PEX1: variants seen among roughly 807,000 people sequenced by gnomAD.
PEX1 encodes the protein peroxisomal biogenesis factor 1.
In PEX1, 97 loss-of-function variants were observed where a neutral mutation model predicts 152.5. That is an observed-to-expected ratio of 0.64 (90% CI 0.54 to 0.75). PEX1 has a LOEUF of 0.75. PEX1 is among the 30% of genes least tolerant of loss of function. The pLI is 0.00. For missense variants in PEX1, 1,357 were observed against 1,516.3 expected (o/e 0.89, Z 1.74); for synonymous variants, 485 against 531.6 (o/e 0.91, Z 1.21).
At chr7:92,507,640 CTT>C (rs746005345) in intron 9 of PEX1, 281 of 128,608 alleles carry the variant, frequency 2.2e-3, no homozygotes, top group African/African-American at 6.4e-3. Context: ...TGACTTCAAG[CTT>C]TTTTTTTTTT....
chr7:92,508,173 A>C (rs1792289496), intron 9 of PEX1, among the ~76,000 whole-genome samples: 1 of 146,104 alleles, frequency 6.8e-6, no homozygotes, highest in South Asian at 2.2e-4. Context: ...CAATCTGTAG[A>C]TTATATTTTA....
rs1470841100 is a variant in PEX1, at chr7:92,502,085, G to GA, written c.2227-7dup. On this transcript the variant is annotated splice_polypyrimidine_tract_variant and splice_region_variant and intron_variant, in intron 13 of 23. Transcript: ENST00000248633. ...AGAATTTCACATCTTTGTTCCTAAAGAAAAAAACACAAAATTCGAATTTCC... is the reference window on the plus strand; with the variant it reads ...AGAATTTCACATCTTTGTTCCTAAAGAAAAAAAACACAAAATTCGAATTTCC... 3.8e-6 allele frequency: 6 copies of GA among 1,571,618 alleles called. No homozygotes were observed. The highest frequency in any genetic ancestry group is 1.4e-5 in the African/African-American group (1 of 73,202).
rs144121521 is a variant in PEX1, at chr7:92,509,462, A to G, written c.1588-51T>C. Reference sequence around the variant, plus strand: ...TTACATTTCAAAGTATGTCTTTTGCATGTTTTTCTCGGGTCCCAGAAAACT... The same window carrying G: ...TTACATTTCAAAGTATGTCTTTTGCGTGTTTTTCTCGGGTCCCAGAAAACT... On this transcript the variant is annotated intron_variant, in intron 8 of 23. Transcript: ENST00000248633. 6 of 1,361,664 alleles carry G rather than the reference A, an allele frequency of 4.4e-6. No individual in the cohort carries two copies. In the African/African-American group the frequency reaches 5.7e-5, roughly 13 times the overall value. 84.3% of individuals were successfully genotyped at this position (1,361,664 alleles called of 1,614,324 possible).
intron 5 of PEX1, among the ~76,000 whole-genome samples, chr7:92,515,938 G>A (rs1351694157): frequency 1.3e-5 from 2 of 151,786 alleles, no homozygotes; most frequent in Non-Finnish European, 2.9e-5. Flanking sequence ...AGGTTGTAGT[G>A]AGTGGAGGTG....
Position 92,517,349 on chromosome 7 carries a change from T to C in PEX1, c.1166A>G (p.Asn389Ser), listed in dbSNP as rs1179674772. 1 of 1,613,662 alleles carries C rather than the reference T, an allele frequency of 6.2e-7. No individual in the cohort carries two copies. Among genetic ancestry groups the C allele is most frequent in the African/African-American group, 1.3e-5 (1 of 74,928 alleles). ...GGCATTGTTCAATTCTTCAAGTCCA[T>C]TCCAGACTACTTGTAGCACACAGGC... is the stretch of plus-strand genomic sequence containing the variant. ...EKACVLQVVW[N>S]GLEELNNAIK... Residue 389 changes from asparagine to serine, a missense_variant, in exon 5 of 24, where the codon AAT becomes AGT. Coordinates refer to ENST00000248633, the MANE Select transcript of PEX1 (RefSeq NM_000466.3).
intron 16 of PEX1, 107 bp downstream of exon 16, chr7:92,499,597 T>C (rs1410131699): frequency 3.3e-6 from 3 of 910,934 alleles, no homozygotes; most frequent in Non-Finnish European, 5.4e-6. Context: ...GGTGGTTGCA[T>C]AGCATTGTGA....
At chr7:92,521,974 G>T (rs925303665) in intron 2 of PEX1, 128 bp downstream of exon 2, 54 of 889,756 alleles carry the variant, frequency 6.1e-5, no homozygotes, top group African/African-American at 3.4e-5. Flanking sequence ...TCCTAGACTA[G>T]TTACATAATA....
Position 92,522,220 on chromosome 7 carries a change from C to T in PEX1, c.155G>A (p.Ser52Asn). 6.2e-7 allele frequency: 1 copy of T among 1,614,130 alleles called. No homozygotes were observed. Among genetic ancestry groups the T allele is most frequent in the South Asian group, 1.1e-5 (1 of 91,086 alleles). Residue 52 changes from serine to asparagine, a missense_variant, in exon 2 of 24, where the codon AGT (serine) becomes AAT (asparagine). Transcript: ENST00000248633. ...CCAGCTCAAGAATGCAGGCTGGTGA[C>T]TCCAGACCACTTCTATAGCTTGATT... is the stretch of plus-strand genomic sequence containing the variant. Reference protein sequence around the residue: ...LQNQAIEVVWSHQPAFLSWVE... With the variant: ...LQNQAIEVVWNHQPAFLSWVE...
At position 92,506,228 on chromosome 7, in the gene PEX1, G is replaced by A; in HGVS notation, c.1900+20C>T. 4.7e-6 allele frequency: 6 copies of A among 1,276,904 alleles called. No individual in the cohort carries two copies. The highest frequency in any genetic ancestry group is 6.9e-6 in the Non-Finnish European group (6 of 872,412). The allele number at this position is 1,276,904 out of a possible 1,614,324, so 79.1% of individuals were successfully genotyped here. A position where few individuals can be genotyped will look rare whatever the true frequency, so the allele number is the denominator to read the frequency against. The stretch of plus-strand genomic sequence containing the variant: ...TTCTAATGAAAAAGGGATTTATATA[G>A]AGTGTTACCATACTCATACCTCGTA... On this transcript the variant is annotated intron_variant, in intron 11 of 23. Coordinates refer to ENST00000248633, the MANE Select transcript of PEX1 (RefSeq NM_000466.3).
At chr7:92,520,374 C>A (rs1018250625) in intron 2 of PEX1, among the ~76,000 whole-genome samples, 1 of 152,110 alleles carries the variant, frequency 6.6e-6, no homozygotes, top group African/African-American at 2.4e-5. Flanking sequence ...ATGCAAGGGA[C>A]TAGTGTTAGG....
At chr7:92,499,272 G>T (rs1419735373) in intron 16 of PEX1, among the ~76,000 whole-genome samples, 2 of 152,120 alleles carry the variant, frequency 1.3e-5, no homozygotes, top group Non-Finnish European at 2.9e-5. Flanking sequence ...AATATTTACA[G>T]CAACATTATT....
chr7:92,523,576 C>T (rs1233633904), intron 1 of PEX1, among the ~76,000 whole-genome samples: 2 of 152,076 alleles, frequency 1.3e-5, no homozygotes, highest in Non-Finnish European at 2.9e-5. Flanking sequence ...ACCTCGGCCT[C>T]CCAAACTGTC....
At position 92,518,234 on chromosome 7, in the gene PEX1, C is replaced by T. The variant is rs1253386014; in HGVS notation, c.379G>A (p.Glu127Lys). ...EILELHAVSLEQHLLDQIRIV... is the reference protein window; with the variant it reads ...EILELHAVSLKQHLLDQIRIV... ...CGAATTTGATCTAGAAGATGTTGTT[C>T]AAGGGAAACAGCATGCAGCTCCTAG... is the stretch of plus-strand genomic sequence containing the variant. Residue 127 changes from glutamate (E) to lysine (K), a missense_variant, in exon 4 of 24, where the codon GAA (glutamate) becomes AAA (lysine). Coordinates refer to ENST00000248633, the MANE Select transcript of PEX1 (RefSeq NM_000466.3). 2 of 1,610,884 alleles carry T rather than the reference C, an allele frequency of 1.2e-6. No homozygotes were observed. Among genetic ancestry groups the T allele is most frequent in the Admixed American group, 3.3e-5 (2 of 60,006 alleles).
At chr7:92,490,140 A>G (rs1791211875) in intron 21 of PEX1, 1 of 552,458 alleles carries the variant, frequency 1.8e-6, no homozygotes, top group Non-Finnish European at 3.2e-6. Flanking sequence ...GCCATAACAC[A>G]GGGTAGGTTT....
At chr7:92,508,541 A>C (rs1488691423) in intron 9 of PEX1, among the ~76,000 whole-genome samples, 1 of 152,068 alleles carries the variant, frequency 6.6e-6, no homozygotes, top group Non-Finnish European at 1.5e-5. Flanking sequence ...CCATCTCAAA[A>C]AAAAAAAAAG....
chr7:92,510,477 A>T (rs38806), intron 8 of PEX1, among the ~76,000 whole-genome samples: 134,821 of 151,122 alleles, frequency 0.89, 60,209 homozygotes, highest in East Asian at 0.96. Context: ...TAAAAAAAAA[A>T]AATAATAATA....
Position 92,496,580 on chromosome 7 carries a change from C to G in PEX1, c.2783+133G>C, listed in dbSNP as rs188330256. Reference sequence around the variant, plus strand: ...TTTGATGAAATAGAGAATCCACGTCCTCTAGCTTATTAATAATTCACATAA... The same window carrying G: ...TTTGATGAAATAGAGAATCCACGTCGTCTAGCTTATTAATAATTCACATAA... On this transcript the variant is annotated intron_variant, in intron 17 of 23. Coordinates refer to ENST00000248633, the MANE Select transcript of PEX1 (RefSeq NM_000466.3). 318 of 742,608 alleles carry G rather than the reference C, an allele frequency of 4.3e-4. 2 individuals carry two copies. The African/African-American group carries it at 4.9e-3, about 11-fold the overall frequency. The allele number at this position is 742,608 out of a possible 1,614,324, so 46.0% of individuals were successfully genotyped here.
Position 92,522,354 on chromosome 7 carries a change from A to G in PEX1, c.130-109T>C, listed in dbSNP as rs973055894. 4 of 1,062,306 alleles carry G rather than the reference A, an allele frequency of 3.8e-6. No homozygotes were observed. The African/African-American group carries it at 6.3e-5, about 17-fold the overall frequency. 65.8% of individuals were successfully genotyped at this position (1,062,306 alleles called of 1,614,324 possible). ...CACATGTCCAAAAAGAGTTCTATAG[A>G]TAGTTCTCTGTTATCTACATTTGTT... On this transcript the variant is annotated intron_variant, in intron 1 of 23. Coordinates refer to ENST00000248633, the MANE Select transcript of PEX1 (RefSeq NM_000466.3).
In PEX1 at chr7:92,510,928, A is replaced by G. The variant is rs367589917; in HGVS notation, c.1587+16T>C. 9.0e-6 allele frequency: 11 copies of G among 1,223,620 alleles called. No individual in the cohort carries two copies. Among genetic ancestry groups the G allele is most frequent in the South Asian group, 6.2e-5 (5 of 80,830 alleles). The allele number at this position is 1,223,620 out of a possible 1,614,324, so 75.8% of individuals were successfully genotyped here. On this transcript the variant is annotated intron_variant, in intron 8 of 23. Transcript: ENST00000248633. The stretch of plus-strand genomic sequence containing the variant: ...ACAAATAGTATTTTATTAAATATTC[A>G]ATAACATGCTATTACTTGTATTGTA...
Sources: allele counts gnomAD v4.1 joint callset (sites outside exome capture counted in the v4.1 genomes callset), GRCh38; gene constraint gnomAD v4.1.1; transcripts MANE v1.5; gene names NCBI Gene and HGNC (gene_info 2026-07-23, HGNC 2026-07-21).